SNX29: variants seen among roughly 807,000 people sequenced by gnomAD.
SNX29 encodes sorting nexin-29.
A neutral mutation model predicts 102.1 loss-of-function variants in SNX29; 78 were observed. The observed-to-expected ratio is 0.76, with a 90% CI of 0.64 to 0.92. The LOEUF (loss-of-function observed/expected upper bound fraction) is 0.92. SNX29 is among the 40% of genes least tolerant of loss of function. The pLI, the probability that SNX29 is intolerant of heterozygous loss-of-function variation, is 0.00. For missense variants in SNX29, 1,280 were observed against 1,061.7 expected (o/e 1.21, Z -2.86); for synonymous variants, 580 against 414.5 (o/e 1.40, Z -4.85).
intron 16 of SNX29, among the ~76,000 whole-genome samples, chr16:12,389,921 C>A (rs1311445777): frequency 6.6e-6 from 1 of 152,178 alleles, no homozygotes; most frequent in African/African-American, 2.4e-5. Flanking sequence ...GAAGCAGGAG[C>A]GAGTTTGGGT....
chr16:12,200,264 A>G (rs2076880538), intron 14 of SNX29, among the ~76,000 whole-genome samples: 1 of 152,228 alleles, frequency 6.6e-6, no homozygotes, highest in Non-Finnish European at 1.5e-5. Context: ...ATTCCAGCAG[A>G]TAGAAGAACA....
At chr16:12,429,201 A>G (rs1302919562) in intron 18 of SNX29, among the ~76,000 whole-genome samples, 1 of 152,254 alleles carries the variant, frequency 6.6e-6, no homozygotes, top group African/African-American at 2.4e-5. Context: ...ATATGATTGC[A>G]AGTAATATCT....
chr16:12,124,280 C>G (rs2054109294), intron 11 of SNX29, among the ~76,000 whole-genome samples: 1 of 151,204 alleles, frequency 6.6e-6, no homozygotes, highest in Non-Finnish European at 1.5e-5. Flanking sequence ...CACTTGAACC[C>G]TGGAGGCAGA....
intron 18 of SNX29, among the ~76,000 whole-genome samples, chr16:12,471,133 G>A (rs1226561762): frequency 6.6e-6 from 1 of 152,012 alleles, no homozygotes; most frequent in Non-Finnish European, 1.5e-5. Context: ...CCTATGCTTG[G>A]CACACCCTTA....
At chr16:12,293,503 A>G (rs1170529575) in intron 15 of SNX29, among the ~76,000 whole-genome samples, 1 of 152,172 alleles carries the variant, frequency 6.6e-6, no homozygotes, top group Non-Finnish European at 1.5e-5. Flanking sequence ...GACACATTTT[A>G]TGACTGTCTT....
intron 20 of SNX29, among the ~76,000 whole-genome samples, chr16:12,556,011 T>A (rs566067164): frequency 2.6e-4 from 39 of 152,364 alleles, no homozygotes; most frequent in African/African-American, 9.1e-4. Context: ...ACTTGTCCTG[T>A]GGACTCATGC....
chr16:12,442,644 G>A (rs747917986), intron 18 of SNX29, among the ~76,000 whole-genome samples: 7 of 151,402 alleles, frequency 4.6e-5, no homozygotes, highest in Non-Finnish European at 5.9e-5. Flanking sequence ...AGGCTGGAGC[G>A]CAGTGGCACA....
intron 14 of SNX29, among the ~76,000 whole-genome samples, chr16:12,239,925 T>C (rs1012617288): frequency 1.3e-5 from 2 of 152,068 alleles, no homozygotes; most frequent in African/African-American, 4.8e-5. Flanking sequence ...CACCCAAAAA[T>C]AGCCACTATT....
chr16:12,439,583 C>T (rs112085928), intron 18 of SNX29, among the ~76,000 whole-genome samples: 1 of 152,152 alleles, frequency 6.6e-6, no homozygotes, highest in Non-Finnish European at 1.5e-5. Flanking sequence ...CATCAGATCT[C>T]GTGAGACTCA....
At chr16:12,568,304 T>TAAAAAAA (rs34750195) in intron 20 of SNX29, among the ~76,000 whole-genome samples, 6 of 146,340 alleles carry the variant, frequency 4.1e-5, no homozygotes, top group African/African-American at 1.5e-4. Context: ...GGAGTGCTGT[T>TAAAAAAA]AAAAAAAAAA....
At chr16:12,506,426 C>G (rs566275289) in intron 19 of SNX29, among the ~76,000 whole-genome samples, 119 of 152,266 alleles carry the variant, frequency 7.8e-4, no homozygotes, top group African/African-American at 2.7e-3. Context: ...AAGGATTATT[C>G]TAGTGCTCCT....
intron 16 of SNX29, among the ~76,000 whole-genome samples, chr16:12,357,436 G>A (rs2082167521): frequency 6.6e-6 from 1 of 152,098 alleles, no homozygotes. Context: ...TCATACCTTT[G>A]AATAGTTTTT....
At chr16:12,227,665 TGAGACAGGCAGATCA>T (rs2077651756) in intron 14 of SNX29, among the ~76,000 whole-genome samples, 5 of 151,936 alleles carry the variant, frequency 3.3e-5, no homozygotes, top group South Asian at 2.1e-4. Context: ...TTTGGCGGGC[TGAGACAGGCAGATCA>T]CCTGAGATCA....
Position 12,571,326 on chromosome 16 carries a change from T to C in SNX29, c.*2697T>C, listed in dbSNP as rs755229236. The C allele has an allele frequency of 3.9e-5, 9 of 231,332 alleles. No individual in the cohort carries two copies. Among genetic ancestry groups the C allele is most frequent in the Non-Finnish European group, 7.7e-5 (9 of 116,972 alleles). 14.3% of individuals were successfully genotyped at this position (231,332 alleles called of 1,614,324 possible). On this transcript the variant is annotated 3_prime_UTR_variant, in exon 21 of 21. Coordinates refer to ENST00000566228, the MANE Select transcript of SNX29 (RefSeq NM_032167.5). ...GAAATGTGTCAACTGCCTGTCAGCC[T>C]GGATTCAATTCTGAGGGCTAAGCCA...
chr16:12,279,474 G>C (rs951061671), intron 15 of SNX29, among the ~76,000 whole-genome samples: 1 of 152,238 alleles, frequency 6.6e-6, no homozygotes, highest in Admixed American at 6.5e-5. Context: ...GGAGGCCTGG[G>C]GACAGGGCAC....
intron 14 of SNX29, among the ~76,000 whole-genome samples, chr16:12,232,529 A>G (rs1244548478): frequency 6.6e-6 from 1 of 152,182 alleles, no homozygotes; most frequent in Non-Finnish European, 1.5e-5. Context: ...AGAAACAAAC[A>G]AATAAATGCT....
intron 20 of SNX29, among the ~76,000 whole-genome samples, chr16:12,532,383 A>C (rs757125595): frequency 2.0e-5 from 3 of 152,102 alleles, no homozygotes; most frequent in Admixed American, 6.5e-5. Flanking sequence ...AGCAGCGTTC[A>C]CTTGTGTTTC....
chr16:12,308,872 A>G (rs1008579330), intron 15 of SNX29, among the ~76,000 whole-genome samples: 2 of 152,220 alleles, frequency 1.3e-5, no homozygotes, highest in Admixed American at 6.5e-5. Flanking sequence ...GCTGTCCGTT[A>G]TATCGAAAAG....
chr16:12,268,377 C>A (rs1464847302), intron 14 of SNX29, among the ~76,000 whole-genome samples: 1 of 152,182 alleles, frequency 6.6e-6, no homozygotes, highest in African/African-American at 2.4e-5. Context: ...CCAGAGTCAC[C>A]CCTGCTAAGC....
Sources: allele counts gnomAD v4.1 joint callset (sites outside exome capture counted in the v4.1 genomes callset), GRCh38; gene constraint gnomAD v4.1.1; transcripts MANE v1.5; gene names NCBI Gene and HGNC (gene_info 2026-07-23, HGNC 2026-07-21).